Variants in KIAA1614 observed in about 807,000 individuals in gnomAD.
The protein encoded by KIAA1614 is uncharacterized protein KIAA1614.
A neutral mutation model predicts 88.7 loss-of-function variants in KIAA1614; 76 were observed. That is an observed-to-expected ratio of 0.86 (90% confidence interval 0.71 to 1.04). The LOEUF (loss-of-function observed/expected upper bound fraction) is 1.04, where lower values mean the gene tolerates loss of function less well. KIAA1614 is among the 50% of genes least tolerant of loss of function. KIAA1614 has a pLI of 0.00. For synonymous variants in KIAA1614, 714 were observed against 675.5 expected (o/e 1.06, Z -0.88); for missense variants, 1,553 against 1,582.5 (o/e 0.98, Z 0.32).
intron 4 of KIAA1614, among the ~76,000 whole-genome samples, chr1:180,934,271 G>T (rs151070304): frequency 1.0e-5 from 1 of 99,568 alleles, no homozygotes; most frequent in Non-Finnish European, 2.1e-5. Context: ...AAAAAAAAAA[G>T]AAAAGAAAAG....
At chr1:180,926,258 C>A (rs1436147488) in intron 3 of KIAA1614, among the ~76,000 whole-genome samples, 1 of 152,096 alleles carries the variant, frequency 6.6e-6, no homozygotes, top group South Asian at 2.1e-4. Flanking sequence ...TGTTCCCTGC[C>A]TCAGAGAAAG....
intron 3 of KIAA1614, among the ~76,000 whole-genome samples, chr1:180,925,834 G>C (rs1316618046): frequency 6.6e-6 from 1 of 152,042 alleles, no homozygotes; most frequent in Non-Finnish European, 1.5e-5. Context: ...TCTGCCACTC[G>C]GTCAGGGCCA....
In KIAA1614 at chr1:180,916,730, A is replaced by G; in HGVS notation, c.627A>G (p.Gln209=). 3 of 1,613,980 alleles carry G rather than the reference A, an allele frequency of 1.9e-6. No individual in the cohort carries two copies. The South Asian group carries it at 3.3e-5, about 18-fold the overall frequency. Residue 209 remains glutamine, a synonymous_variant, in exon 2 of 9, where the codon CAA becomes CAG. Coordinates refer to ENST00000367588, the MANE Select transcript of KIAA1614 (RefSeq NM_020950.2). ...CGCTGCTGGGGCCCAGCTCTTTGCA[A>G]CAGAGCCCGATCCATGGAGTTACTC... The part of the protein sequence containing the change: ...RGPLLGPSSL[Q]QSPIHGVTPG...
chr1:180,925,965 C>T (rs1174302409), intron 3 of KIAA1614, among the ~76,000 whole-genome samples: 2 of 152,186 alleles, frequency 1.3e-5, no homozygotes, highest in African/African-American at 4.8e-5. Context: ...AGTCCTCTCC[C>T]CTCTCCAGCC....
At chr1:180,923,218 G>T (rs1653991844) in intron 3 of KIAA1614, among the ~76,000 whole-genome samples, 1 of 152,178 alleles carries the variant, frequency 6.6e-6, no homozygotes, top group African/African-American at 2.4e-5. Flanking sequence ...ATTGGCCACT[G>T]CGAGTCAGCT....
rs781590839 is a variant in KIAA1614 at position 180,931,539 on chromosome 1, T to C, written c.1205+2966T>C. On this transcript the variant is annotated intron_variant, in intron 4 of 8. Transcript: ENST00000367588. ...TTAGCTGCCTCATTCGTCCTGCACTTGTCTCCAAAATCTTCATCCTGCCTT... is the reference window on the plus strand; with the variant it reads ...TTAGCTGCCTCATTCGTCCTGCACTCGTCTCCAAAATCTTCATCCTGCCTT... Among the ~76,000 whole-genome samples, 9 of 152,378 alleles carry C rather than the reference T, an allele frequency of 5.9e-5. No individual in the cohort carries two copies. In the South Asian group the frequency reaches 1.9e-3, roughly 32 times the overall value.
In KIAA1614 at chr1:180,937,816, G is replaced by A. The variant is rs568576409; in HGVS notation, c.2762-739G>A. On this transcript the variant is annotated intron_variant, in intron 5 of 8. Coordinates refer to ENST00000367588, the MANE Select transcript of KIAA1614 (RefSeq NM_020950.2). ...GGTCCCTCCCACCCTGTGCTGAGTG[G>A]CGATTTCCTTCTCTGGTGGGCTCTA... Among the ~76,000 whole-genome samples the A allele has an allele frequency of 1.6e-3, 244 of 152,288 alleles. 4 individuals are homozygous for A. The highest frequency in any genetic ancestry group is 5.7e-3 in the African/African-American group (236 of 41,556).
In KIAA1614 at chr1:180,935,771, G is replaced by T; in HGVS notation, c.1862G>T (p.Cys621Phe). Reference protein sequence around the residue: ...ALDSTDNSDNCRTDSEEAGTS... With the variant: ...ALDSTDNSDNFRTDSEEAGTS... ...GACAGCACAGACAACTCTGACAACT[G>T]CAGGACCGACAGTGAGGAGGCGGGG... is the stretch of plus-strand genomic sequence containing the variant. Residue 621 changes from cysteine (C) to phenylalanine (F), a missense_variant, in exon 5 of 9, where the codon TGC becomes TTC. Coordinates refer to ENST00000367588, the MANE Select transcript of KIAA1614 (RefSeq NM_020950.2). The surrounding 1 kb of genome is among the most constrained non-coding windows in gnomAD (Gnocchi z 6.1). The T allele has an allele frequency of 6.2e-7, 1 of 1,613,894 alleles. No individual in the cohort carries two copies. The highest frequency in any genetic ancestry group is 8.5e-7 in the Non-Finnish European group (1 of 1,179,952).
intron 7 of KIAA1614, among the ~76,000 whole-genome samples, chr1:180,943,041 T>TTTTTTTTTTTTTTTTTTTTA: frequency 6.6e-6 from 1 of 151,640 alleles, no homozygotes; most frequent in African/African-American, 2.4e-5. Context: ...TTTTTTTTTT[T>TTTTTTTTTTTTTTTTTTTTA]TTTAAGATGG....
At chr1:180,915,960 ACTGT>A (rs751045552) in intron 1 of KIAA1614, among the ~76,000 whole-genome samples, 190 bp from the exon 2 acceptor site, 14 of 152,056 alleles carry the variant, frequency 9.2e-5, no homozygotes, top group South Asian at 4.1e-4. Flanking sequence ...CCATGGAAAA[ACTGT>A]CTTTCATGAA....
chr1:180,941,557 G>A (rs1448202612), intron 7 of KIAA1614, among the ~76,000 whole-genome samples: 1 of 152,082 alleles, frequency 6.6e-6, no homozygotes, highest in Non-Finnish European at 1.5e-5. Flanking sequence ...TGCCACCTCA[G>A]CCAAGTCTCG....
chr1:180,917,961 G>C, intron 3 of KIAA1614, 47 bp downstream of exon 3: 1 of 1,515,006 alleles, frequency 6.6e-7, no homozygotes, highest in South Asian at 1.1e-5. Context: ...CCTCACCATG[G>C]TCCCTCTATT....
At position 180,916,277 on chromosome 1, in the gene KIAA1614, A is replaced by AC. The variant is rs1459912004; in HGVS notation, c.174_175insC (p.Asn59GlnfsTer91). The stretch of plus-strand genomic sequence containing the variant: ...CAAGACCCTGGCCTTGCCCTCAGGA[A>AC]AACAGAACATCCAGCCTGATGGCCC... On this transcript the variant is annotated frameshift_variant, in exon 2 of 9. Coordinates refer to ENST00000367588, the MANE Select transcript of KIAA1614 (RefSeq NM_020950.2). LOFTEE classifies it high-confidence loss of function. 1 of 1,613,788 alleles carries AC rather than the reference A, an allele frequency of 6.2e-7. No individual in the cohort carries two copies. The highest frequency in any genetic ancestry group is 2.2e-5 in the East Asian group (1 of 44,894).
Position 180,935,475 on chromosome 1 carries a change from G to A in KIAA1614, c.1566G>A (p.Arg522=), listed in dbSNP as rs1384851784. The A allele has an allele frequency of 2.7e-6, 4 of 1,476,466 alleles. No individual in the cohort carries two copies. The highest frequency in any genetic ancestry group is 2.8e-5 in the African/African-American group (2 of 71,264). 91.5% of individuals were successfully genotyped at this position (1,476,466 alleles called of 1,614,324 possible). Residue 522 remains arginine (R), a synonymous_variant, in exon 5 of 9, where the codon AGG becomes AGA. Coordinates refer to ENST00000367588, the MANE Select transcript of KIAA1614 (RefSeq NM_020950.2). The surrounding 1 kb of genome is among the most constrained non-coding windows in gnomAD (Gnocchi z 6.1). The stretch of plus-strand genomic sequence containing the variant: ...GGCTTGTGGGCAGCCTGGACCGCAG[G>A]GGACACCCGGCACCGCCGGCACCGG... ...FHRLVGSLDR[R]GHPAPPAPGS...
chr1:180,934,998 G>T (rs1163471645), intron 4 of KIAA1614, 117 bp from the exon 5 acceptor site: 5 of 690,358 alleles, frequency 7.2e-6, no homozygotes, highest in Non-Finnish European at 1.0e-5. Context: ...TGTGGGTTGC[G>T]GTTGCCACAG....
chr1:180,938,363 T>A lies in KIAA1614; in HGVS notation c.2762-192T>A, dbSNP rs547498975. Among the ~76,000 whole-genome samples the A allele has an allele frequency of 3.9e-5, 6 of 152,080 alleles. No homozygotes were observed. The East Asian group carries it at 1.2e-3, about 29-fold the overall frequency. ...CAGCTTAGAGGACACTCATGAGGGG[T>A]CCTCAGCCCTGGTCATCTAAGAGGC... On this transcript the variant is annotated intron_variant, in intron 5 of 8. Transcript: ENST00000367588.
chr1:180,934,147 G>A (rs1452246732), intron 4 of KIAA1614, among the ~76,000 whole-genome samples: 2 of 151,830 alleles, frequency 1.3e-5, no homozygotes, highest in African/African-American at 4.8e-5. Flanking sequence ...CCAGCTACTC[G>A]GGAGGCTGAG....
At chr1:180,938,497 C>A in intron 5 of KIAA1614, 58 bp from the exon 6 acceptor site, 1 of 1,580,520 alleles carries the variant, frequency 6.3e-7, no homozygotes, top group Non-Finnish European at 8.6e-7. Context: ...TCCCATTCCC[C>A]CACAGGACCT....
chr1:180,917,702 C>T, intron 2 of KIAA1614, 149 bp from the exon 3 acceptor site: 1 of 681,692 alleles, frequency 1.5e-6, no homozygotes, highest in Non-Finnish European at 2.6e-6. Flanking sequence ...TCGTGACAGG[C>T]TCAGCCTCCA....
Sources: allele counts gnomAD v4.1 joint callset (sites outside exome capture counted in the v4.1 genomes callset), GRCh38; gene constraint gnomAD v4.1.1; non-coding constraint Gnocchi (gnomAD v3.1); transcripts MANE v1.5; gene names NCBI Gene and HGNC (gene_info 2026-07-23, HGNC 2026-07-21).